The following PER2 variants were observed in gnomAD, a reference collection of about 807,000 sequenced individuals.
The protein encoded by PER2 is period circadian regulator 2, also known as period circadian protein homolog 2.
A neutral mutation model predicts 121.0 loss-of-function variants in PER2; 66 were observed. The observed-to-expected ratio is 0.55, with a 90% CI of 0.45 to 0.67. PER2 has a LOEUF of 0.67. Ranked by LOEUF, PER2 falls within the 30% of genes least tolerant of loss-of-function variation. PER2 has a pLI of 0.00. For synonymous variants in PER2, 684 were observed against 659.9 expected, an observed-to-expected ratio of 1.04 and a Z score of -0.56; for missense variants, 1,521 against 1,635.0, an observed-to-expected ratio of 0.93 and a Z score of 1.20.
intron 1 of PER2, among the ~76,000 whole-genome samples, chr2:238,278,656 A>T (rs897323358): frequency 6.6e-6 from 1 of 152,172 alleles, no homozygotes; most frequent in Non-Finnish European, 1.5e-5. Flanking sequence ...GGGTTCAGAA[A>T]TCTTGGCCAT....
chr2:238,270,799 A>G (rs949282767), intron 6 of PER2, among the ~76,000 whole-genome samples: 2 of 152,268 alleles, frequency 1.3e-5, no homozygotes, highest in African/African-American at 4.8e-5. Context: ...ACAGTGCAGC[A>G]CACTTGGCCT....
In PER2 at chr2:238,261,794, C is replaced by T. The variant is rs1298102056; in HGVS notation, c.1351G>A (p.Glu451Lys). Residue 451 changes from glutamate to lysine, a missense_variant, in exon 12 of 23, where the codon GAG becomes AAG. By Grantham distance (56) the Glu-to-Lys change is moderately conservative. Coordinates refer to ENST00000254657, the MANE Select transcript of PER2 (RefSeq NM_022817.3). Reference sequence around the variant, plus strand: ...ATGCTGGGGTGCAGGGCCTTCTCCTCTGTGCAGGGGTGGGCTGCAAACACG... The same window carrying T: ...ATGCTGGGGTGCAGGGCCTTCTCCTTTGTGCAGGGGTGGGCTGCAAACACG... ...EDVFAAHPCT[E>K]EKALHPSIQE... The T allele has an allele frequency of 6.3e-7, 1 of 1,577,350 alleles. No individual in the cohort carries two copies. Among genetic ancestry groups the T allele is most frequent in the Non-Finnish European group, 8.6e-7 (1 of 1,160,392 alleles).
upstream of PER2, among the ~76,000 whole-genome samples, chr2:238,288,793 A>C (rs536342016): frequency 1.3e-5 from 2 of 151,304 alleles, no homozygotes; most frequent in Non-Finnish European, 3.0e-5. Flanking sequence ...CCGCTGTCAC[A>C]TAGTGGAAAA....
intron 9 of PER2, among the ~76,000 whole-genome samples, chr2:238,264,894 C>T (rs1250492473): frequency 6.6e-6 from 1 of 152,250 alleles, no homozygotes; most frequent in Non-Finnish European, 1.5e-5. Context: ...CCTATCTCAG[C>T]TTCTCAGAGT....
At chr2:238,288,933 A>G (rs929253112), upstream of PER2, among the ~76,000 whole-genome samples, 1 of 152,080 alleles carries the variant, frequency 6.6e-6, no homozygotes, top group African/African-American at 2.4e-5. Context: ...CGCTCTTTTT[A>G]CATAAGACGC....
intron 9 of PER2, 117 bp from the exon 10 acceptor site, chr2:238,263,175 C>T (rs540101891): frequency 1.4e-6 from 1 of 713,390 alleles, no homozygotes; most frequent in African/African-American, 1.8e-5. Flanking sequence ...ACCCCCTCCC[C>T]CACCCCCGGA....
chr2:238,262,966 G>C lies in PER2; in HGVS notation c.1139C>G (p.Ala380Gly). The stretch of plus-strand genomic sequence containing the variant: ...AGGGGACCTACTCTTTTTGTGGATG[G>C]CCAGCATCAAGGGCCTGTCACTAGG... ...LHPSDRPLMLAIHKKILQSGG... is the reference protein window; with the variant it reads ...LHPSDRPLMLGIHKKILQSGG... Residue 380 changes from alanine (A) to glycine (G), a missense_variant, in exon 10 of 23, where the codon GCC becomes GGC. Physicochemically the swap from Ala to Gly is moderately conservative, Grantham distance 60. Transcript: ENST00000254657. 1 of 1,610,058 alleles carries C rather than the reference G, an allele frequency of 6.2e-7. No individual in the cohort carries two copies. Among genetic ancestry groups the C allele is most frequent in the Non-Finnish European group, 8.5e-7 (1 of 1,176,330 alleles).
intron 4 of PER2, among the ~76,000 whole-genome samples, chr2:238,273,564 C>T (rs1307014639): frequency 6.6e-6 from 1 of 151,170 alleles, no homozygotes; most frequent in Non-Finnish European, 1.5e-5. Context: ...GGCGCAATCT[C>T]GGCTCACTGT....
chr2:238,258,706 T>TA (rs1422123697), intron 14 of PER2, 62 bp from the exon 15 acceptor site: 22 of 1,553,272 alleles, frequency 1.4e-5, no homozygotes, highest in Non-Finnish European at 1.8e-5. Context: ...GCTGTGTATT[T>TA]ACAAAGCATT....
At chr2:238,247,996 G>C (rs550180637) in intron 22 of PER2, among the ~76,000 whole-genome samples, 77 of 152,310 alleles carry the variant, frequency 5.1e-4, no homozygotes, top group African/African-American at 1.6e-3. Context: ...CTACCTTCAA[G>C]GTTAAACCCA....
intron 17 of PER2, 114 bp downstream of exon 17, chr2:238,256,808 C>CCT: frequency 9.1e-7 from 1 of 1,095,540 alleles, no homozygotes; most frequent in East Asian, 2.4e-5. Context: ...TGAAACGCCC[C>CCT]CTATCGGGCT....
chr2:238,292,530 G>T (rs768455670), upstream of PER2, among the ~76,000 whole-genome samples: 1 of 152,198 alleles, frequency 6.6e-6, no homozygotes, highest in African/African-American at 2.4e-5. Flanking sequence ...AGAATGGTGA[G>T]AGTGGGCATC....
At chr2:238,265,130 T>C (rs561364592) in intron 9 of PER2, among the ~76,000 whole-genome samples, 75 of 152,342 alleles carry the variant, frequency 4.9e-4, no homozygotes, top group African/African-American at 1.7e-3. Context: ...GAGAAAATCC[T>C]GTCCCCTGGA....
At chr2:238,261,497 C>T in intron 12 of PER2, 2 of 583,780 alleles carry the variant, frequency 3.4e-6, no homozygotes, top group Non-Finnish European at 3.1e-6. Context: ...GCTACTCACT[C>T]AGGGCTGCAG....
At position 238,271,436 on chromosome 2, in the gene PER2, G is replaced by A; in HGVS notation, c.648C>T (p.His216=). 6.2e-7 allele frequency: 1 copy of A among 1,613,906 alleles called. No individual in the cohort carries two copies. The highest frequency in any genetic ancestry group is 8.5e-7 in the Non-Finnish European group (1 of 1,179,710). The stretch of plus-strand genomic sequence containing the variant: ...CATCGCTGAAGGCATCTCTTTTACA[G>A]TGAAATATGGATGCAACCTGGTCAG... ...YISDQVASIF[H]CKRDAFSDAK... is the part of the protein sequence containing the mutation. The change falls in exon 6 of 23, where the codon CAC becomes CAT. Residue 216 remains histidine, a synonymous_variant. Coordinates refer to ENST00000254657, the MANE Select transcript of PER2 (RefSeq NM_022817.3).
intron 1 of PER2, among the ~76,000 whole-genome samples, chr2:238,279,140 C>A (rs1371609291): frequency 6.6e-6 from 1 of 152,116 alleles, no homozygotes; most frequent in East Asian, 1.9e-4. Context: ...AGTGATGTCT[C>A]CCCATCCCCA....
chr2:238,265,996 G>A (rs565805023), intron 8 of PER2, among the ~76,000 whole-genome samples: 6 of 151,126 alleles, frequency 4.0e-5, no homozygotes, highest in African/African-American at 1.2e-4. Context: ...CTCCGCCTCC[G>A]AGGTTCAAGC....
chr2:238,271,198 A>G, intron 6 of PER2, 114 bp downstream of exon 6: 1 of 885,226 alleles, frequency 1.1e-6, no homozygotes, highest in Non-Finnish European at 1.9e-6. Flanking sequence ...GGCGGCCCCC[A>G]CAGGTGGGCT....
rs1187603783 is a variant in PER2, at chr2:238,288,555, C to G, written c.-226G>C. 2 of 151,740 alleles carry G rather than the reference C, an allele frequency of 1.3e-5. No individual in the cohort carries two copies. The highest frequency in any genetic ancestry group is 4.1e-4 in the South Asian group (2 of 4,842). The allele number at this position is 151,740 out of a possible 1,614,324, so 9.4% of individuals were successfully genotyped here. On this transcript the variant is annotated 5_prime_UTR_variant, in exon 1 of 23. Coordinates refer to ENST00000254657, the MANE Select transcript of PER2 (RefSeq NM_022817.3). ...AACTTCCGGCGGCGCCTCCGCTGCC[C>G]GAGCCGGCGCTGGGACCCCGACCTG...
Sources: allele counts gnomAD v4.1 joint callset (sites outside exome capture counted in the v4.1 genomes callset), GRCh38; gene constraint gnomAD v4.1.1; transcripts MANE v1.5; gene names NCBI Gene and HGNC (gene_info 2026-07-23, HGNC 2026-07-21).